The following SPIDR variants were observed in gnomAD, a reference collection of about 807,000 sequenced individuals.
SPIDR encodes scaffold protein involved in DNA repair, also known as DNA repair-scaffolding protein.
In SPIDR, 93 loss-of-function variants were observed where a neutral mutation model predicts 104.6. The observed-to-expected ratio is 0.89, with a 90% CI of 0.75 to 1.06. The LOEUF (loss-of-function observed/expected upper bound fraction) is 1.06, where lower values mean the gene tolerates loss of function less well. Among genes scored for constraint, SPIDR ranks in the 50% least tolerant of loss-of-function variants. The pLI is 0.00. For missense variants in SPIDR, 1,154 were observed against 1,111.2 expected, an observed-to-expected ratio of 1.04 and a Z score of -0.55; for synonymous variants, 431 against 416.9, an observed-to-expected ratio of 1.03 and a Z score of -0.41.
chr8:47,348,717 A>G (rs1279619948), intron 5 of SPIDR, among the ~76,000 whole-genome samples: 6 of 151,816 alleles, frequency 4.0e-5, no homozygotes, highest in African/African-American at 1.4e-4. Flanking sequence ...ATCTTCAGTC[A>G]TCTGTCTTCC....
intron 10 of SPIDR, among the ~76,000 whole-genome samples, chr8:47,605,006 C>A (rs1324377086): frequency 1.3e-5 from 2 of 152,202 alleles, no homozygotes; most frequent in African/African-American, 2.4e-5. Context: ...GGCACTAATG[C>A]GTGTGAGTGC....
chr8:47,274,958 C>T (rs1429451650), intron 1 of SPIDR, among the ~76,000 whole-genome samples: 1 of 150,996 alleles, frequency 6.6e-6, no homozygotes, highest in Non-Finnish European at 1.5e-5. Flanking sequence ...ATAAAGACTA[C>T]AATAGAAAAT....
chr8:47,676,205 A>G (rs1026903458), intron 11 of SPIDR, among the ~76,000 whole-genome samples: 1 of 152,252 alleles, frequency 6.6e-6, no homozygotes, highest in Non-Finnish European at 1.5e-5. Context: ...TAACATTTAC[A>G]TGGGAAATGT....
At chr8:47,300,129 G>T (rs1266087022) in intron 5 of SPIDR, among the ~76,000 whole-genome samples, 2 of 152,128 alleles carry the variant, frequency 1.3e-5, no homozygotes, top group Non-Finnish European at 2.9e-5. Flanking sequence ...CAATTTCAGA[G>T]CCTGTTATTG....
chr8:47,700,299 A>G, intron 11 of SPIDR, 104 bp from the exon 12 acceptor site: 2 of 1,165,132 alleles, frequency 1.7e-6, no homozygotes, highest in East Asian at 2.3e-5. Context: ...TTGTAGTTCC[A>G]TGGCCTTAGG....
chr8:47,342,828 T>G (rs547131409), intron 5 of SPIDR, among the ~76,000 whole-genome samples: 174 of 152,256 alleles, frequency 1.1e-3, no homozygotes, highest in Non-Finnish European at 2.1e-3. Flanking sequence ...GGGAGCATTT[T>G]CCCAACATGT....
Position 47,503,900 on chromosome 8 carries a change from G to T in SPIDR, c.1097+63358G>T, listed in dbSNP as rs937783320. On this transcript the variant is annotated intron_variant, in intron 8 of 19. Coordinates refer to ENST00000297423, the MANE Select transcript of SPIDR (RefSeq NM_001080394.4). ...ATTTCTCCTTCACTCATGAAGCTTA[G>T]TTTGGCTGGATATGAAATTCTGGGT... Among the ~76,000 whole-genome samples, 174 of 152,272 alleles carry T rather than the reference G, an allele frequency of 1.1e-3. 1 individual carries two copies. Among genetic ancestry groups the T allele is most frequent in the Non-Finnish European group, 6.3e-4 (43 of 68,020 alleles).
At chr8:47,634,350 G>T (rs1396283309) in intron 10 of SPIDR, among the ~76,000 whole-genome samples, 1 of 152,080 alleles carries the variant, frequency 6.6e-6, no homozygotes, top group Non-Finnish European at 1.5e-5. Context: ...TACTCAGCAG[G>T]CTGAGGCAGA....
At chr8:47,647,642 G>GAGAGAGAA (rs1563415813) in intron 10 of SPIDR, among the ~76,000 whole-genome samples, 1 of 147,106 alleles carries the variant, frequency 6.8e-6, no homozygotes, top group African/African-American at 2.5e-5. Context: ...GAGAGAGAGA[G>GAGAGAGAA]AGAGAGAGAG....
chr8:47,357,992 C>A, intron 5 of SPIDR: 1 of 337,132 alleles, frequency 3.0e-6, no homozygotes, highest in Non-Finnish European at 4.2e-6. Flanking sequence ...TCCTCTCCAA[C>A]CTGGTGAGAA....
chr8:47,408,248 C>G (rs2063026906), intron 7 of SPIDR, among the ~76,000 whole-genome samples: 1 of 152,094 alleles, frequency 6.6e-6, no homozygotes, highest in African/African-American at 2.4e-5. Context: ...AGCACTCTAC[C>G]CTCTTAGCAA....
intron 8 of SPIDR, chr8:47,511,285 A>G: frequency 6.8e-7 from 1 of 1,460,650 alleles, no homozygotes; most frequent in Non-Finnish European, 9.6e-7. Context: ...GACGATTAAG[A>G]TGGAAGAGCT....
In SPIDR at chr8:47,294,061, C is replaced by A. The variant is rs1554571206; in HGVS notation, c.525+31C>A. ...AATGAAGTATTTCAAAACTTTTATTCACTTTATAACATTTGCTAATCATAG... is the reference window on the plus strand; with the variant it reads ...AATGAAGTATTTCAAAACTTTTATTAACTTTATAACATTTGCTAATCATAG... On this transcript the variant is annotated intron_variant, in intron 5 of 19. Coordinates refer to ENST00000297423, the MANE Select transcript of SPIDR (RefSeq NM_001080394.4). The A allele has an allele frequency of 3.4e-3, 5,347 of 1,570,602 alleles. 166 individuals are homozygous for A. In the African/African-American group the frequency reaches 0.067, roughly 20 times the overall value.
chr8:47,466,689 C>T (rs1207909026), intron 8 of SPIDR, among the ~76,000 whole-genome samples: 1 of 145,614 alleles, frequency 6.9e-6, no homozygotes, highest in African/African-American at 2.7e-5. Context: ...GGTGAAACCC[C>T]GTCTCTACGA....
intron 5 of SPIDR, among the ~76,000 whole-genome samples, chr8:47,378,741 A>C (rs1401800787): frequency 5.3e-5 from 8 of 152,234 alleles, no homozygotes; most frequent in South Asian, 2.1e-4. Flanking sequence ...AAGAAGGATC[A>C]TTATGTACAC....
intron 5 of SPIDR, among the ~76,000 whole-genome samples, chr8:47,301,508 G>A (rs1182843364): frequency 6.6e-6 from 1 of 151,616 alleles, no homozygotes; most frequent in Non-Finnish European, 1.5e-5. Context: ...TGGTTATTTT[G>A]CTCATTAGTT....
At chr8:47,312,555 T>G (rs2044405003) in intron 5 of SPIDR, among the ~76,000 whole-genome samples, 2 of 152,152 alleles carry the variant, frequency 1.3e-5, no homozygotes, top group African/African-American at 2.4e-5. Context: ...TCACCCACTT[T>G]TTGATGGGGT....
At chr8:47,546,494 GTTTC>G (rs1239045216) in intron 8 of SPIDR, among the ~76,000 whole-genome samples, 4 of 152,122 alleles carry the variant, frequency 2.6e-5, no homozygotes, top group Middle Eastern at 3.4e-3. Flanking sequence ...CATGTTCTCT[GTTTC>G]TTTGTCAGTC....
At chr8:47,501,418 G>A (rs1201821106) in intron 8 of SPIDR, among the ~76,000 whole-genome samples, 54 of 152,168 alleles carry the variant, frequency 3.5e-4, no homozygotes, top group Non-Finnish European at 6.0e-4. Context: ...GTGAATGGGA[G>A]TTCACTCATG....
Sources: gnomAD v4.1 joint callset for allele counts (sites outside exome capture counted in the v4.1 genomes callset) on GRCh38, gnomAD v4.1.1 for gene constraint, MANE v1.5 for transcripts, NCBI Gene and HGNC (gene_info 2026-07-23, HGNC 2026-07-21) for gene names.